Variants in MAX observed in about 807,000 individuals in gnomAD.
MAX encodes the protein protein max.
MAX carries 3 observed loss-of-function variants against 22.3 expected under a neutral mutation model. That is an observed-to-expected ratio of 0.13 (90% CI 0.06 to 0.35). The LOEUF (loss-of-function observed/expected upper bound fraction) is 0.35. Ranked by LOEUF, MAX falls within the 10% of genes least tolerant of loss-of-function variation. The pLI is 1.00. For synonymous variants in MAX, 72 were observed against 77.7 expected (o/e 0.93, Z 0.39); for missense variants, 119 against 209.4 (o/e 0.57, Z 2.66).
chr14:65,024,099 C>G (rs1294552918), intron 3 of MAX, among the ~76,000 whole-genome samples: 1 of 146,906 alleles, frequency 6.8e-6, no homozygotes, highest in Non-Finnish European at 1.5e-5. Context: ...GACACTCCAT[C>G]TCCTAAAAAA....
chr14:65,007,255 T>C lies in MAX; in HGVS notation c.172-971A>G, dbSNP rs1158094124. Among the ~76,000 whole-genome samples, 14 of 152,222 alleles carry C rather than the reference T, an allele frequency of 9.2e-5. No individual in the cohort carries two copies. The highest frequency in any genetic ancestry group is 9.2e-4 in the Admixed American group (14 of 15,282). On this transcript the variant is annotated intron_variant, in intron 3 of 3. Coordinates refer to the MAX transcript ENST00000341653. This position sits in a 1 kb window ranked among gnomAD's most constrained non-coding sequence, Gnocchi z 4.9. ...ATCACAGTCTCAATATTTAACATAT[T>C]AATAGTCAAAATTTAAAAGTCTGAC...
intron 3 of MAX, among the ~76,000 whole-genome samples, chr14:65,067,407 A>G (rs1165887175): frequency 6.6e-6 from 1 of 152,096 alleles, no homozygotes; most frequent in Non-Finnish European, 1.5e-5. Context: ...GTTTTTACCT[A>G]ATGGCCTTTT....
At chr14:65,058,836 A>G (rs2062800428) in intron 3 of MAX, among the ~76,000 whole-genome samples, 1 of 152,170 alleles carries the variant, frequency 6.6e-6, no homozygotes, top group Non-Finnish European at 1.5e-5. Flanking sequence ...TGTTTTGTTC[A>G]GTATACTGCT....
At chr14:65,099,535 AAAAC>A (rs958002278) in intron 2 of MAX, among the ~76,000 whole-genome samples, 29 of 150,468 alleles carry the variant, frequency 1.9e-4, no homozygotes, top group South Asian at 6.3e-4. Flanking sequence ...TTTCACCAAA[AAAAC>A]AAACAAACAA....
exon 4 of MAX, chr14:65,006,251 A>G (rs748529380): frequency 6.2e-7 from 1 of 1,613,846 alleles, no homozygotes; most frequent in Middle Eastern, 1.7e-4. Flanking sequence ...TCATAAGGAA[A>G]GACAGGTGGG....
At chr14:65,018,316 C>G (rs1331806993) in intron 3 of MAX, among the ~76,000 whole-genome samples, 2 of 152,112 alleles carry the variant, frequency 1.3e-5, no homozygotes, top group African/African-American at 4.8e-5. Context: ...GGCAACAGAG[C>G]AAGACCCTGT....
At chr14:65,102,657 C>T (rs2063886043), upstream of MAX, 4 of 1,046,452 alleles carry the variant, frequency 3.8e-6, no homozygotes, top group Admixed American at 4.9e-5. Flanking sequence ...ACTACAAATC[C>T]CGGAAGAAAC....
At chr14:65,070,817 A>G (rs2062980439), downstream of MAX, among the ~76,000 whole-genome samples, 1 of 152,264 alleles carries the variant, frequency 6.6e-6, no homozygotes, top group Admixed American at 6.5e-5. The surrounding 1 kb of genome is among the most constrained non-coding windows in gnomAD (Gnocchi z 4.4). Flanking sequence ...GGCAGACACC[A>G]GATGCACTTG....
intron 3 of MAX, among the ~76,000 whole-genome samples, chr14:65,067,683 G>A (rs2062945035): frequency 6.6e-6 from 1 of 150,936 alleles, no homozygotes; most frequent in African/African-American, 2.4e-5. Flanking sequence ...CTAGAGTACA[G>A]TGGATCATGG....
chr14:65,056,761 A>G (rs866940718), intron 3 of MAX, among the ~76,000 whole-genome samples: 5 of 152,296 alleles, frequency 3.3e-5, no homozygotes, highest in Middle Eastern at 3.4e-3. Flanking sequence ...TGTGTAGTGA[A>G]TATCTTCCAG....
rs2063416488 is a variant in MAX at position 65,088,824 on chromosome 14, T to C, written c.171+4884A>G. On this transcript the variant is annotated intron_variant, in intron 3 of 4. Coordinates refer to ENST00000358664, the MANE Select transcript of MAX (RefSeq NM_002382.5). The surrounding 1 kb of genome is among the most constrained non-coding windows in gnomAD (Gnocchi z 5.2). The stretch of plus-strand genomic sequence containing the variant: ...ACACAAATATATATAAAACCTCATA[T>C]ATTAAGTATAATATATAAATGTGTG... 6.6e-6 allele frequency among the ~76,000 whole-genome samples: 1 copy of C among 152,222 alleles called. No homozygotes were observed. Among genetic ancestry groups the C allele is most frequent in the Non-Finnish European group, 1.5e-5 (1 of 68,030 alleles).
Position 65,093,840 on chromosome 14 carries a change from A to G in MAX, c.64-25T>C. The G allele has an allele frequency of 7.8e-7, 1 of 1,290,054 alleles. No homozygotes were observed. Among genetic ancestry groups the G allele is most frequent in the East Asian group, 2.3e-5 (1 of 43,382 alleles). The allele number at this position is 1,290,054 out of a possible 1,614,324, so 79.9% of individuals were successfully genotyped here. A position where few individuals can be genotyped will look rare whatever the true frequency, so the allele number is the denominator to read the frequency against. The stretch of plus-strand genomic sequence containing the variant: ...CCTAGAAGAATGGGAGAAAGAACAC[A>G]TTAGGAATGTCACTCCTTTTGCTTG... On this transcript the variant is annotated intron_variant, in intron 2 of 4. Transcript: ENST00000358664. The surrounding 1 kb of genome is among the most constrained non-coding windows in gnomAD (Gnocchi z 4.4).
chr14:65,097,647 T>G (rs2063709337), intron 2 of MAX, among the ~76,000 whole-genome samples: 1 of 152,216 alleles, frequency 6.6e-6, no homozygotes, highest in Non-Finnish European at 1.5e-5. Context: ...TTATGATTCT[T>G]ATCAAGCTAT....
At position 65,094,055 on chromosome 14, in the gene MAX, C is replaced by T. The variant is rs555500024; in HGVS notation, c.64-240G>A. On this transcript the variant is annotated intron_variant, in intron 2 of 4. Transcript: ENST00000358664. ...AGTAGCTCGATGCATCCAGCTCATG[C>T]ATAAGTAAAATAAAAGTTATTCAGG... 4 of 535,704 alleles carry T rather than the reference C, an allele frequency of 7.5e-6. No homozygotes were observed. In the East Asian group the frequency reaches 1.3e-4, roughly 18 times the overall value. The allele number at this position is 535,704 out of a possible 1,614,324, so 33.2% of individuals were successfully genotyped here.
At chr14:65,006,307 A>G (rs183567827) in intron 3 of MAX, 25 of 1,612,978 alleles carry the variant, frequency 1.5e-5, no homozygotes, top group Middle Eastern at 3.3e-4. Context: ...AGGAGGAAAA[A>G]TATCAGCTTA....
At chr14:65,099,531 C>CAAAAA (rs113130979) in intron 2 of MAX, among the ~76,000 whole-genome samples, 10 of 143,598 alleles carry the variant, frequency 7.0e-5, no homozygotes, top group East Asian at 2.0e-4. Flanking sequence ...AAAATTTCAC[C>CAAAAA]AAAAAAACAA....
At chr14:65,101,697 C>T in intron 1 of MAX, 125 bp from the exon 2 acceptor site, 1 of 733,962 alleles carries the variant, frequency 1.4e-6, no homozygotes, top group Admixed American at 2.3e-5. Context: ...CCCGACACCC[C>T]TTCCTCCCTC....
At chr14:65,102,563 C>G, upstream of MAX, 1 of 1,444,744 alleles carries the variant, frequency 6.9e-7, no homozygotes, top group Non-Finnish European at 9.1e-7. Context: ...CGGCCCCCGC[C>G]ACGTGACCAG....
intron 3 of MAX, among the ~76,000 whole-genome samples, chr14:65,064,532 G>A (rs1256018654): frequency 6.6e-6 from 1 of 152,200 alleles, no homozygotes; most frequent in Non-Finnish European, 1.5e-5. Context: ...TCCTGTTGGG[G>A]TCAGGTTCAG....
Sources: gnomAD v4.1 joint callset for allele counts (sites outside exome capture counted in the v4.1 genomes callset) on GRCh38, gnomAD v4.1.1 for gene constraint, Gnocchi (gnomAD v3.1) non-coding constraint, MANE v1.5 for transcripts, NCBI Gene and HGNC (gene_info 2026-07-23, HGNC 2026-07-21) for gene names.